The following PCNT variants were observed in gnomAD, a reference collection of about 807,000 sequenced individuals.
PCNT encodes the protein kendrin.
In PCNT, 319 loss-of-function variants were observed where a neutral mutation model predicts 380.4. The observed-to-expected ratio is 0.84, with a 90% CI of 0.77 to 0.92. The LOEUF (loss-of-function observed/expected upper bound fraction) is 0.92, where lower values mean the gene tolerates loss of function less well. Ranked by LOEUF, PCNT falls within the 40% of genes least tolerant of loss-of-function variation. The pLI is 0.00. For synonymous variants in PCNT, 1,845 were observed against 1,735.2 expected (o/e 1.06, Z -1.57); for missense variants, 4,400 against 4,255.3 (o/e 1.03, Z -0.95).
At position 46,428,609 on chromosome 21, in the gene PCNT, A is replaced by G. The variant is rs987960020; in HGVS notation, c.7690+19A>G. On this transcript the variant is annotated intron_variant, in intron 35 of 46. Coordinates refer to ENST00000359568, the MANE Select transcript of PCNT (RefSeq NM_006031.6). ...AGGCAGGGTGGGTGTCACTGTCTACACTGCCTGGGGCCCGGCCTCTGCACC... is the reference window on the plus strand; with the variant it reads ...AGGCAGGGTGGGTGTCACTGTCTACGCTGCCTGGGGCCCGGCCTCTGCACC... 3.8e-6 allele frequency: 6 copies of G among 1,580,046 alleles called. No homozygotes were observed. The African/African-American group carries it at 6.7e-5, about 18-fold the overall frequency.
chr21:46,432,393 A>G (rs2147992708), intron 38 of PCNT, among the ~76,000 whole-genome samples, 178 bp downstream of exon 38: 1 of 152,336 alleles, frequency 6.6e-6, no homozygotes, highest in African/African-American at 2.4e-5. Flanking sequence ...GAAAGTATTG[A>G]AATCAGGAAG....
At position 46,412,071 on chromosome 21, in the gene PCNT, G is replaced by A. The variant is rs781737632; in HGVS notation, c.5994+4G>A. ...GCCGGTTGTCCCTGACCCACAGGTG[G>A]GCTCCCCCCGCGGGCCATGGCAGGG... On this transcript the variant is annotated splice_donor_region_variant and intron_variant, in intron 28 of 46. Transcript: ENST00000359568. 92 of 1,605,560 alleles carry A rather than the reference G, an allele frequency of 5.7e-5. No homozygotes were observed. Among genetic ancestry groups the A allele is most frequent in the Admixed American group, 4.2e-4 (25 of 59,974 alleles).
At chr21:46,429,983 C>A in intron 35 of PCNT, 27 bp from the exon 36 acceptor site, 3 of 1,590,252 alleles carry the variant, frequency 1.9e-6, no homozygotes, top group South Asian at 2.2e-5. Flanking sequence ...TCATGGGGGC[C>A]TGTTACTGTT....
chr21:46,442,374 G>A lies in PCNT; in HGVS notation c.9624-123G>A, dbSNP rs79139453. 3,949 of 714,972 alleles carry A rather than the reference G, an allele frequency of 5.5e-3. 27 individuals carry two copies. The highest frequency in any genetic ancestry group is 8.2e-3 in the Middle Eastern group (23 of 2,814). The allele number at this position is 714,972 out of a possible 1,614,324, so 44.3% of individuals were successfully genotyped here. Reference sequence around the variant, plus strand: ...AGTCAACAGACTGGCCGACCTTGGCGTCCTGGTCCCCATGGGCAGCGAGGC... The same window carrying A: ...AGTCAACAGACTGGCCGACCTTGGCATCCTGGTCCCCATGGGCAGCGAGGC... On this transcript the variant is annotated intron_variant, in intron 43 of 46. Coordinates refer to ENST00000359568, the MANE Select transcript of PCNT (RefSeq NM_006031.6).
rs367739130 is a variant in PCNT at position 46,416,387 on chromosome 21, G to A, written c.6469G>A (p.Gly2157Arg). 5.0e-6 allele frequency: 8 copies of A among 1,614,156 alleles called. No individual in the cohort carries two copies. The highest frequency in any genetic ancestry group is 5.9e-6 in the Non-Finnish European group (7 of 1,180,018). ...IDACDANTTP[G>R]GVTDVIKNWD... ...CGCGTGTGATGCCAATACAACCCCA[G>A]GGGGTGTAACTGATGTTATCAAAAA... is the stretch of plus-strand genomic sequence containing the variant. The change falls in exon 30 of 47, where the codon GGG becomes AGG. Residue 2157 changes from glycine to arginine, a missense_variant. Coordinates refer to ENST00000359568, the MANE Select transcript of PCNT (RefSeq NM_006031.6).
At chr21:46,377,421 A>G (rs759743174) in intron 15 of PCNT, among the ~76,000 whole-genome samples, 103 of 152,352 alleles carry the variant, frequency 6.8e-4, no homozygotes, top group Middle Eastern at 3.4e-3. Flanking sequence ...TCAAAACACA[A>G]AATAATTTCA....
intron 27 of PCNT, among the ~76,000 whole-genome samples, chr21:46,403,084 T>G (rs540041981): frequency 6.6e-6 from 1 of 152,384 alleles, no homozygotes; most frequent in East Asian, 1.9e-4. Context: ...TGAAAGACCT[T>G]GTGTAGAATC....
chr21:46,389,735 C>T (rs1158166292), intron 19 of PCNT, among the ~76,000 whole-genome samples: 3 of 152,216 alleles, frequency 2.0e-5, no homozygotes, highest in African/African-American at 7.2e-5. Context: ...CGTTTTAGAA[C>T]ATTTTAGACA....
chr21:46,409,076 C>A (rs2086702913), intron 27 of PCNT, among the ~76,000 whole-genome samples: 1 of 150,918 alleles, frequency 6.6e-6, no homozygotes, highest in Non-Finnish European at 1.5e-5. Flanking sequence ...TTTGGGAATT[C>A]TTTATATCTT....
intron 17 of PCNT, among the ~76,000 whole-genome samples, chr21:46,386,619 G>C (rs1183090379): frequency 6.6e-6 from 1 of 152,210 alleles, no homozygotes; most frequent in Non-Finnish European, 1.5e-5. Flanking sequence ...ATCCTGCCTT[G>C]GTGCCTCCTC....
chr21:46,366,911 T>C lies in PCNT; in HGVS notation c.2937T>C (p.Phe979=). Residue 979 remains phenylalanine, a synonymous_variant, in exon 15 of 47, where the codon TTT becomes TTC. Coordinates refer to ENST00000359568, the MANE Select transcript of PCNT (RefSeq NM_006031.6). ...DSLESCYLSE[F]QTIREEHRQA... ...TGGAATCCTGTTACCTCTCTGAATT[T>C]CAGACCATCCGTGAGGAGCACAGGC... is the stretch of plus-strand genomic sequence containing the variant. 4 of 1,614,216 alleles carry C rather than the reference T, an allele frequency of 2.5e-6. No individual in the cohort carries two copies. Among genetic ancestry groups the C allele is most frequent in the Non-Finnish European group, 3.4e-6 (4 of 1,180,034 alleles).
chr21:46,413,221 C>T (rs573842300), intron 29 of PCNT, among the ~76,000 whole-genome samples: 1 of 127,318 alleles, frequency 7.9e-6, no homozygotes, highest in African/African-American at 3.5e-5. Flanking sequence ...AGGCTGGACA[C>T]GCAGCAGCAA....
intron 32 of PCNT, among the ~76,000 whole-genome samples, chr21:46,423,807 G>GAGGGGGAGGGGA (rs2087368802): frequency 2.4e-5 from 2 of 82,060 alleles, no homozygotes; most frequent in South Asian, 5.4e-4. Flanking sequence ...AAGAGAAGGG[G>GAGGGGGAGGGGA]GAGTGGGAGG....
In PCNT at chr21:46,428,398, G is replaced by T. The variant is rs1283572056; in HGVS notation, c.7498G>T (p.Asp2500Tyr). 3.1e-6 allele frequency: 5 copies of T among 1,612,178 alleles called. No individual in the cohort carries two copies. Among genetic ancestry groups the T allele is most frequent in the Non-Finnish European group, 4.2e-6 (5 of 1,179,742 alleles). The change falls in exon 35 of 47, where the codon GAC (aspartate) becomes TAC (tyrosine). Residue 2500 changes from aspartate (D) to tyrosine (Y), a missense_variant. Asp to Tyr is a radical substitution (Grantham distance 160). Transcript: ENST00000359568. ...RLEKIIREQG[D>Y]LQEKSLEHLR... ...GCTTGTCCCATTGTGCCCCCAGGGA[G>T]ACCTGCAGGAAAAGTCCCTGGAGCA...
Position 46,398,222 on chromosome 21 carries a change from A to C in PCNT, c.4564-13A>C. The C allele has an allele frequency of 6.2e-7, 1 of 1,608,700 alleles. No individual in the cohort carries two copies. The highest frequency in any genetic ancestry group is 8.5e-7 in the Non-Finnish European group (1 of 1,178,544). ...CTTTAAATTTTTGCCTTCCATGTAC[A>C]TGAAATCGGCAGCAGGCGCCGCTGG... is the stretch of plus-strand genomic sequence containing the variant. On this transcript the variant is annotated splice_polypyrimidine_tract_variant and intron_variant, in intron 23 of 46. Coordinates refer to ENST00000359568, the MANE Select transcript of PCNT (RefSeq NM_006031.6).
intron 10 of PCNT, among the ~76,000 whole-genome samples, chr21:46,353,639 CGT>C (rs147389000): frequency 2.0e-5 from 3 of 149,912 alleles, no homozygotes; most frequent in Non-Finnish European, 4.4e-5. Flanking sequence ...TCCAGGCCTG[CGT>C]GTGTGTGTGT....
In PCNT at chr21:46,431,828, C is replaced by T. The variant is rs765469084; in HGVS notation, c.8364C>T (p.His2788=). The T allele has an allele frequency of 8.7e-6, 14 of 1,613,860 alleles. No homozygotes were observed. The highest frequency in any genetic ancestry group is 5.5e-5 in the South Asian group (5 of 91,088). Residue 2788 remains histidine (H), a synonymous_variant, in exon 38 of 47, where the codon CAC becomes CAT. Coordinates refer to ENST00000359568, the MANE Select transcript of PCNT (RefSeq NM_006031.6). ...ACVHQDTQAH[H]ALLQKLKEEK... ...TGCACCAGGACACACAGGCCCATCA[C>T]GCTCTGCTGCAGAAGCTGAAGGAGG...
intron 38 of PCNT, among the ~76,000 whole-genome samples, chr21:46,435,535 GTGTTTTGTTT>G (rs58296456): frequency 1.3e-5 from 2 of 148,480 alleles, no homozygotes; most frequent in African/African-American, 2.5e-5. Context: ...TGGCAGTTTT[GTGTTTTGTTT>G]TGTTTTGTTT....
In PCNT at chr21:46,346,855, C is replaced by T. The variant is rs778485996; in HGVS notation, c.833C>T (p.Thr278Met). Reference sequence around the variant, plus strand: ...CAGAAGGAGAAGGAGACGGCATTGACGGAGCTGCGGGAGATGCTCAACAGC... The same window carrying T: ...CAGAAGGAGAAGGAGACGGCATTGATGGAGCTGCGGGAGATGCTCAACAGC... ...NLQKEKETAL[T>M]ELREMLNSRR... Residue 278 changes from threonine to methionine, a missense_variant, in exon 5 of 47, where the codon ACG becomes ATG. Thr to Met is a moderately conservative substitution (Grantham distance 81, BLOSUM62 -1). Transcript: ENST00000359568. 1.1e-5 allele frequency: 18 copies of T among 1,608,258 alleles called. No homozygotes were observed. Among genetic ancestry groups the T allele is most frequent in the Middle Eastern group, 1.7e-4 (1 of 5,988 alleles).
Sources: allele counts gnomAD v4.1 joint callset (sites outside exome capture counted in the v4.1 genomes callset), GRCh38; gene constraint gnomAD v4.1.1; transcripts MANE v1.5; gene names NCBI Gene and HGNC (gene_info 2026-07-23, HGNC 2026-07-21).